Variants in NFIC observed in about 807,000 individuals in gnomAD.
NFIC encodes nuclear factor I C.
Under a neutral mutation model 54.4 loss-of-function variants are expected in NFIC, and 12 were observed. The ratio of observed to expected loss-of-function variants is 0.22; its 90% CI spans 0.14 to 0.36. The LOEUF (loss-of-function observed/expected upper bound fraction) is 0.36, where lower values mean the gene tolerates loss of function less well. Ranked by LOEUF, NFIC falls within the 10% of genes least tolerant of loss-of-function variation. The pLI, the probability that NFIC is intolerant of heterozygous loss-of-function variation, is 1.00. For missense variants in NFIC, 575 were observed against 718.2 expected (o/e 0.80, Z 2.28); for synonymous variants, 322 against 319.2 (o/e 1.01, Z -0.09).
At position 3,464,419 on chromosome 19, in the gene NFIC, A is replaced by G. The variant is rs986591739; in HGVS notation, c.*1650A>G. The G allele has an allele frequency of 4.0e-5, 39 of 979,108 alleles. No homozygotes were observed. The African/African-American group carries it at 6.0e-4, about 15-fold the overall frequency. The allele number at this position is 979,108 out of a possible 1,614,324, so 60.7% of individuals were successfully genotyped here. On this transcript the variant is annotated 3_prime_UTR_variant, in exon 11 of 11. Coordinates refer to ENST00000443272, the MANE Select transcript of NFIC (RefSeq NM_001245002.2). ...CCCCCCACCCCGGCTCCCTGGCCCT[A>G]TCCACACCTCCACCCCCACCCCAGG... is the stretch of plus-strand genomic sequence containing the variant.
chr19:3,459,750 A>C lies in NFIC; in HGVS notation c.1510-3002A>C, dbSNP rs907117996. Among the ~76,000 whole-genome samples, 4 of 152,248 alleles carry C rather than the reference A, an allele frequency of 2.6e-5. No individual in the cohort carries two copies. The highest frequency in any genetic ancestry group is 9.6e-5 in the African/African-American group (4 of 41,460). On this transcript the variant is annotated intron_variant, in intron 10 of 10. Coordinates refer to ENST00000443272, the MANE Select transcript of NFIC (RefSeq NM_001245002.2). This position sits in a 1 kb window ranked among gnomAD's most constrained non-coding sequence, Gnocchi z 4.2. ...CGCCCAGAGTCTGTCGGTTGCCAAC[A>C]GAAACCAGACATGAGGTAATGGCCA...
At chr19:3,439,030 G>A (rs1360378405) in intron 6 of NFIC, among the ~76,000 whole-genome samples, 1 of 151,994 alleles carries the variant, frequency 6.6e-6, no homozygotes, top group Non-Finnish European at 1.5e-5. Context: ...TGGCTTCTCT[G>A]CTTCTCCAGC....
At chr19:3,401,328 G>C (rs1338731521) in intron 2 of NFIC, among the ~76,000 whole-genome samples, 1 of 152,120 alleles carries the variant, frequency 6.6e-6, no homozygotes, top group Non-Finnish European at 1.5e-5. Context: ...AGACTGTGGG[G>C]GGTGAGGGCA....
intron 2 of NFIC, among the ~76,000 whole-genome samples, chr19:3,389,851 G>T (rs1253728819): frequency 6.6e-6 from 1 of 152,176 alleles, no homozygotes; most frequent in South Asian, 2.1e-4. Context: ...AGGCGTGGTG[G>T]TGCATGCCTG....
rs536990205 is a variant in NFIC, at chr19:3,372,228, C to T, written c.30+5562C>T. Among the ~76,000 whole-genome samples, 7 of 152,124 alleles carry T rather than the reference C, an allele frequency of 4.6e-5. No individual in the cohort carries two copies. The East Asian group carries it at 1.4e-3, about 30-fold the overall frequency. On this transcript the variant is annotated intron_variant, in intron 1 of 10. Coordinates refer to ENST00000443272, the MANE Select transcript of NFIC (RefSeq NM_001245002.2). ...TAGAGACGGGGTTTCACCATGTTGG[C>T]CAGGCTGGTCTCAAACTCCTGACCT...
chr19:3,406,146 G>A (rs1304393632), intron 2 of NFIC, among the ~76,000 whole-genome samples: 1 of 152,024 alleles, frequency 6.6e-6, no homozygotes, highest in Admixed American at 6.6e-5. Flanking sequence ...AGGCTGGAGT[G>A]CAATGGCACG....
upstream of NFIC, among the ~76,000 whole-genome samples, chr19:3,362,032 A>T (rs2080818411): frequency 1.3e-5 from 2 of 152,050 alleles, no homozygotes; most frequent in South Asian, 2.1e-4. Flanking sequence ...TTGCGGGGGG[A>T]TAGACAACCA....
chr19:3,398,255 G>A (rs910372017), intron 2 of NFIC, among the ~76,000 whole-genome samples: 2 of 152,302 alleles, frequency 1.3e-5, no homozygotes, highest in East Asian at 1.9e-4. Context: ...GAGTCGGTTC[G>A]TGGAATTAGA....
In NFIC at chr19:3,415,549, G is replaced by A. The variant is rs188710088; in HGVS notation, c.563-9557G>A. On this transcript the variant is annotated intron_variant, in intron 2 of 10. Coordinates refer to ENST00000443272, the MANE Select transcript of NFIC (RefSeq NM_001245002.2). ...GAAGCCCAGAGATGGGCAGGGGTTTGTCTGAGACCACACAGCAAGAGGGGC... is the reference window on the plus strand; with the variant it reads ...GAAGCCCAGAGATGGGCAGGGGTTTATCTGAGACCACACAGCAAGAGGGGC... Among the ~76,000 whole-genome samples, 402 of 152,220 alleles carry A rather than the reference G, an allele frequency of 2.6e-3. 2 individuals are homozygous for A. The highest frequency in any genetic ancestry group is 4.7e-3 in the Non-Finnish European group (321 of 68,014).
Position 3,369,768 on chromosome 19 carries a change from G to A in NFIC, c.30+3102G>A, listed in dbSNP as rs976039521. On this transcript the variant is annotated intron_variant, in intron 1 of 10. Coordinates refer to ENST00000443272, the MANE Select transcript of NFIC (RefSeq NM_001245002.2). This position sits in a 1 kb window ranked among gnomAD's most constrained non-coding sequence, Gnocchi z 4.3. ...CCCTCCCTGCCTCCCTCCCGCTGGC[G>A]CCACCGCCACGTTAGTTATTCCGGG... Among the ~76,000 whole-genome samples, 2 of 152,062 alleles carry A rather than the reference G, an allele frequency of 1.3e-5. No individual in the cohort carries two copies. The highest frequency in any genetic ancestry group is 6.5e-5 in the Admixed American group (1 of 15,276).
At chr19:3,419,167 T>C (rs1416242779) in intron 2 of NFIC, among the ~76,000 whole-genome samples, 6 of 152,160 alleles carry the variant, frequency 3.9e-5, no homozygotes, top group Non-Finnish European at 2.9e-5. Context: ...GATGGCTGCA[T>C]GGCCATTGGA....
Position 3,465,256 on chromosome 19 carries a change from G to A in NFIC, c.*2487G>A, listed in dbSNP as rs564439632. 2.7e-5 allele frequency: 4 copies of A among 146,026 alleles called. No individual in the cohort carries two copies. Among genetic ancestry groups the A allele is most frequent in the East Asian group, 2.0e-4 (1 of 5,014 alleles). 9.0% of individuals were successfully genotyped at this position (146,026 alleles called of 1,614,324 possible). A position where few individuals can be genotyped will look rare whatever the true frequency, so the allele number is the denominator to read the frequency against. On this transcript the variant is annotated 3_prime_UTR_variant, in exon 11 of 11. Transcript: ENST00000443272. ...TACCACAAGATGTGCCTTGCCTTCC[G>A]AGAATAAGTATTACCTTTAAACAAT...
At chr19:3,405,930 T>C (rs1199388785) in intron 2 of NFIC, among the ~76,000 whole-genome samples, 1 of 151,840 alleles carries the variant, frequency 6.6e-6, no homozygotes, top group Non-Finnish European at 1.5e-5. Context: ...CTTCCTTTCT[T>C]TTTTTGAAAC....
At chr19:3,420,540 G>A (rs1019694232) in intron 2 of NFIC, among the ~76,000 whole-genome samples, 23 of 90,184 alleles carry the variant, frequency 2.6e-4, no homozygotes, top group South Asian at 7.2e-4. Flanking sequence ...GAACAAGAGC[G>A]AGATTCCATC....
chr19:3,456,321 C>T (rs1442772997), intron 9 of NFIC, among the ~76,000 whole-genome samples: 3 of 152,198 alleles, frequency 2.0e-5, no homozygotes, highest in Admixed American at 6.5e-5. Context: ...CGATCTCAGC[C>T]GTGACCCCCG....
At chr19:3,373,227 C>A (rs1375119418) in intron 1 of NFIC, among the ~76,000 whole-genome samples, 2 of 152,252 alleles carry the variant, frequency 1.3e-5, no homozygotes, top group Non-Finnish European at 2.9e-5. Context: ...TCTCCTCCAC[C>A]TCCTGGCCCC....
At chr19:3,409,358 G>A (rs2081711343) in intron 2 of NFIC, among the ~76,000 whole-genome samples, 1 of 152,162 alleles carries the variant, frequency 6.6e-6, no homozygotes, top group Non-Finnish European at 1.5e-5. Flanking sequence ...GGTTCTGCCT[G>A]AGTCCTCCCT....
At chr19:3,372,876 G>C (rs1008038930) in intron 1 of NFIC, among the ~76,000 whole-genome samples, 7 of 150,908 alleles carry the variant, frequency 4.6e-5, no homozygotes, top group Admixed American at 4.0e-4. Flanking sequence ...ACAGAGTCTC[G>C]CTCTGTCGCC....
In NFIC at chr19:3,444,499, A is replaced by G. The variant is rs187778857; in HGVS notation, c.959-4515A>G. 9.3e-3 allele frequency among the ~76,000 whole-genome samples: 1,409 copies of G among 152,282 alleles called. 73 individuals carry two copies. The highest frequency in any genetic ancestry group is 0.085 in the Admixed American group (1,295 of 15,286). ...GGCATGCCTGCTGAACAGACAGAGG[A>G]TGCTTGGAGGCGGGGTGCAGAGTCA... On this transcript the variant is annotated intron_variant, in intron 6 of 10. Transcript: ENST00000443272.
Sources: gnomAD v4.1 joint callset for allele counts (sites outside exome capture counted in the v4.1 genomes callset) on GRCh38, gnomAD v4.1.1 for gene constraint, Gnocchi (gnomAD v3.1) non-coding constraint, MANE v1.5 for transcripts, NCBI Gene and HGNC (gene_info 2026-07-23, HGNC 2026-07-21) for gene names.